PYGB: variants seen among roughly 807,000 people sequenced by gnomAD.
PYGB encodes glycogen phosphorylase, brain form.
Under a neutral mutation model 94.3 loss-of-function variants are expected in PYGB, and 82 were observed. The observed-to-expected ratio is 0.87, with a 90% CI of 0.73 to 1.04. The LOEUF (loss-of-function observed/expected upper bound fraction) is 1.04. Ranked by LOEUF, PYGB falls within the 50% of genes least tolerant of loss-of-function variation. The pLI is 0.00. For missense variants in PYGB, 1,132 were observed against 1,158.2 expected, an observed-to-expected ratio of 0.98 and a Z score of 0.33; for synonymous variants, 488 against 479.1, an observed-to-expected ratio of 1.02 and a Z score of -0.24.
At chr20:25,276,574 G>A in intron 5 of PYGB, 72 bp from the exon 6 acceptor site, 1 of 1,331,134 alleles carries the variant, frequency 7.5e-7, no homozygotes, top group Non-Finnish European at 1.1e-6. Flanking sequence ...GGAGGAGGCT[G>A]GGCCGGGGAG....
chr20:25,261,240 C>T (rs961201388), intron 2 of PYGB, among the ~76,000 whole-genome samples: 4 of 152,202 alleles, frequency 2.6e-5, no homozygotes, highest in African/African-American at 9.6e-5. Flanking sequence ...CAGTAGGGGC[C>T]GACTGACACC....
intron 1 of PYGB, 74 bp from the exon 2 acceptor site, chr20:25,259,163 G>A (rs1043115258): frequency 1.2e-4 from 151 of 1,301,588 alleles, no homozygotes; most frequent in Admixed American, 1.6e-4. Context: ...GGCTTCATGG[G>A]TCGTGTCATC....
At chr20:25,260,358 C>T (rs75093571) in intron 2 of PYGB, among the ~76,000 whole-genome samples, 2,199 of 152,300 alleles carry the variant, frequency 0.014, 49 homozygotes, top group African/African-American at 0.048. Context: ...GCAGTTCTTA[C>T]ATATAGTAAA....
chr20:25,279,271 C>G (rs2088343973), intron 9 of PYGB, 122 bp downstream of exon 9: 1 of 1,091,646 alleles, frequency 9.2e-7, no homozygotes, highest in Non-Finnish European at 1.3e-6. Flanking sequence ...GGTCATCATG[C>G]CCAGGAGAGA....
At chr20:25,274,486 T>C in intron 4 of PYGB, 106 bp from the exon 5 acceptor site, 2 of 1,417,904 alleles carry the variant, frequency 1.4e-6, no homozygotes, top group Non-Finnish European at 1.9e-6. Context: ...TAAATTTCAG[T>C]GCCAGGCACT....
chr20:25,256,791 C>G (rs1230179916), intron 1 of PYGB, among the ~76,000 whole-genome samples: 2 of 152,232 alleles, frequency 1.3e-5, no homozygotes, highest in Admixed American at 6.5e-5. Context: ...AGAGGCTGTC[C>G]TGCAGCAGCA....
chr20:25,295,736 G>A, intron 19 of PYGB, 66 bp downstream of exon 19: 1 of 1,494,814 alleles, frequency 6.7e-7, no homozygotes, highest in Non-Finnish European at 9.3e-7. Flanking sequence ...TGTTGGGTCA[G>A]ATTGTTTATT....
At position 25,284,200 on chromosome 20, in the gene PYGB, G is replaced by A. The variant is rs1356396826; in HGVS notation, c.1717G>A (p.Glu573Lys). Reference protein sequence around the residue: ...MFDVHVKRIHEYKRQLLNCLH... With the variant: ...MFDVHVKRIHKYKRQLLNCLH... ...CGATGTGCATGTGAAGAGGATCCAC[G>A]AGTACAAGCGGCAGCTGCTCAACTG... Residue 573 changes from glutamate to lysine, a missense_variant, in exon 14 of 20, where the codon GAG becomes AAG. Physicochemically the swap from Glu to Lys is moderately conservative, Grantham distance 56. Coordinates refer to ENST00000216962, the MANE Select transcript of PYGB (RefSeq NM_002862.4). 3 of 1,613,970 alleles carry A rather than the reference G, an allele frequency of 1.9e-6. No homozygotes were observed. Among genetic ancestry groups the A allele is most frequent in the Non-Finnish European group, 1.7e-6 (2 of 1,180,012 alleles).
chr20:25,276,172 G>A (rs995892800), intron 5 of PYGB, among the ~76,000 whole-genome samples: 2 of 152,160 alleles, frequency 1.3e-5, no homozygotes, highest in Non-Finnish European at 1.5e-5. Flanking sequence ...TAGCAGGCAA[G>A]GCAGCTGCAG....
intron 1 of PYGB, among the ~76,000 whole-genome samples, chr20:25,249,881 C>T (rs2092882759): frequency 6.7e-6 from 1 of 150,010 alleles, no homozygotes; most frequent in East Asian, 2.0e-4. Flanking sequence ...CTGAGTCTTG[C>T]CCTGTAGCGT....
In PYGB at chr20:25,288,272, C is replaced by T. The variant is rs542388717; in HGVS notation, c.1769-153C>T. On this transcript the variant is annotated intron_variant, in intron 14 of 19. Coordinates refer to ENST00000216962, the MANE Select transcript of PYGB (RefSeq NM_002862.4). ...GGTGGGCAGGTGGGTGGCCAGTGGC[C>T]CTGTGCCACTGTCACCCGTGTCTCT... is the stretch of plus-strand genomic sequence containing the variant. 4.6e-6 allele frequency: 4 copies of T among 872,400 alleles called. No homozygotes were observed. The South Asian group carries it at 5.4e-5, about 12-fold the overall frequency. 54.0% of individuals were successfully genotyped at this position (872,400 alleles called of 1,614,324 possible).
chr20:25,275,653 C>T (rs1251895200), intron 5 of PYGB, among the ~76,000 whole-genome samples: 11 of 152,322 alleles, frequency 7.2e-5, no homozygotes, highest in Middle Eastern at 6.8e-3. Flanking sequence ...AGGGGACCGG[C>T]GCTGTAGATG....
At chr20:25,288,226 G>GT (rs1568697447) in intron 14 of PYGB, 199 bp from the exon 15 acceptor site, 4 of 712,424 alleles carry the variant, frequency 5.6e-6, no homozygotes, top group Non-Finnish European at 1.0e-5. Context: ...TCACTCCCTT[G>GT]TAAGTGGCAG....
At chr20:25,274,283 C>G (rs1292925751) in intron 4 of PYGB, among the ~76,000 whole-genome samples, 4 of 152,192 alleles carry the variant, frequency 2.6e-5, no homozygotes, top group Non-Finnish European at 5.9e-5. Flanking sequence ...TTTTGTCTGT[C>G]CTCTTTCACT....
At chr20:25,254,315 G>T (rs2092897065) in intron 1 of PYGB, among the ~76,000 whole-genome samples, 2 of 152,072 alleles carry the variant, frequency 1.3e-5, no homozygotes, top group African/African-American at 4.8e-5. Context: ...AAATAATTGG[G>T]AGAACTTTAG....
intron 1 of PYGB, among the ~76,000 whole-genome samples, chr20:25,258,982 A>G (rs756647286): frequency 6.6e-6 from 1 of 152,200 alleles, no homozygotes; most frequent in African/African-American, 2.4e-5. Flanking sequence ...CATCATGGAA[A>G]GTTAGTGTGT....
At position 25,297,132 on chromosome 20, in the gene PYGB, T is replaced by C. The variant is rs898739425; in HGVS notation, c.*610T>C. The C allele has an allele frequency of 6.5e-6, 1 of 153,454 alleles. No homozygotes were observed. The highest frequency in any genetic ancestry group is 2.4e-5 in the African/African-American group (1 of 41,454). The allele number at this position is 153,454 out of a possible 1,614,324, so 9.5% of individuals were successfully genotyped here. On this transcript the variant is annotated 3_prime_UTR_variant, in exon 20 of 20. Transcript: ENST00000216962. ...TGGGTCATGGACCCAGATGGGGCTT[T>C]CCCTTTGTAGCCATCCAATGGGCAT...
At chr20:25,288,805 T>C (rs2088441159) in intron 15 of PYGB, among the ~76,000 whole-genome samples, 1 of 152,196 alleles carries the variant, frequency 6.6e-6, no homozygotes, top group Non-Finnish European at 1.5e-5. Flanking sequence ...GGCTGCTTCA[T>C]CACCTGCACA....
In PYGB at chr20:25,248,088, G is replaced by C. The variant is rs1267496137; in HGVS notation, c.-91G>C. ...CAGAGCCGCAGTGCCGGGCGCCAGAGCAGCGGCGCCAGAGCAGCTGCACCA... is the reference window on the plus strand; with the variant it reads ...CAGAGCCGCAGTGCCGGGCGCCAGACCAGCGGCGCCAGAGCAGCTGCACCA... On this transcript the variant is annotated 5_prime_UTR_variant, in exon 1 of 20. Coordinates refer to ENST00000216962, the MANE Select transcript of PYGB (RefSeq NM_002862.4). The C allele has an allele frequency of 1.9e-5, 25 of 1,321,576 alleles. 1 individual carries two copies. In the East Asian group the frequency reaches 7.3e-4, roughly 39 times the overall value. The allele number at this position is 1,321,576 out of a possible 1,614,324, so 81.9% of individuals were successfully genotyped here. A position where few individuals can be genotyped will look rare whatever the true frequency, so the allele number is the denominator to read the frequency against.
Sources: gnomAD v4.1 joint callset for allele counts (sites outside exome capture counted in the v4.1 genomes callset) on GRCh38, gnomAD v4.1.1 for gene constraint, MANE v1.5 for transcripts, NCBI Gene and HGNC (gene_info 2026-07-23, HGNC 2026-07-21) for gene names.